DPF3: variants seen among roughly 807,000 people sequenced by gnomAD.
DPF3 encodes double PHD fingers 3, also known as zinc finger protein DPF3.
Under a neutral mutation model 56.8 loss-of-function variants are expected in DPF3, and 18 were observed. That is an observed-to-expected ratio of 0.32 (90% confidence interval 0.22 to 0.47). DPF3 has a LOEUF of 0.47. Among genes scored for constraint, DPF3 ranks in the 20% least tolerant of loss-of-function variants. DPF3 has a pLI of 1.00. For missense variants in DPF3, 403 were observed against 488.8 expected, an observed-to-expected ratio of 0.82 and a Z score of 1.65; for synonymous variants, 188 against 180.2, an observed-to-expected ratio of 1.04 and a Z score of -0.35.
intron 4 of DPF3, among the ~76,000 whole-genome samples, chr14:72,730,098 C>T (rs1373317351): frequency 6.6e-6 from 1 of 151,808 alleles, no homozygotes; most frequent in Non-Finnish European, 1.5e-5. Context: ...TTTTTAAAGA[C>T]TGCCCCTCAA....
At chr14:72,716,037 C>G (rs1888910923) in intron 5 of DPF3, among the ~76,000 whole-genome samples, 1 of 151,804 alleles carries the variant, frequency 6.6e-6, no homozygotes, top group Non-Finnish European at 1.5e-5. Context: ...AAGCCAGGGA[C>G]AGCTTGACAT....
chr14:72,646,772 C>T (rs1599326078), intron 8 of DPF3, among the ~76,000 whole-genome samples: 1 of 152,232 alleles, frequency 6.6e-6, no homozygotes, highest in Non-Finnish European at 1.5e-5. Flanking sequence ...CTCATTTCTC[C>T]AAGCCACAGC....
chr14:72,813,574 G>A (rs1883157093), intron 1 of DPF3, among the ~76,000 whole-genome samples: 1 of 152,082 alleles, frequency 6.6e-6, no homozygotes, highest in South Asian at 2.1e-4. Flanking sequence ...ATTCCTTTTG[G>A]GTCTGTGTGC....
In DPF3 at chr14:72,758,928, A is replaced by T. The variant is rs1890952898; in HGVS notation, c.194-5557T>A. On this transcript the variant is annotated intron_variant, in intron 2 of 10. Transcript: ENST00000556509. ...TAAAATTCACAATGTGAGGCACCCA[A>T]CCCAAAATTACAAGGCATGTAAAGA... 2.0e-5 allele frequency among the ~76,000 whole-genome samples: 3 copies of T among 152,228 alleles called. No individual in the cohort carries two copies. The South Asian group carries it at 6.2e-4, about 31-fold the overall frequency.
At chr14:72,762,550 TA>T (rs1033109450) in intron 2 of DPF3, among the ~76,000 whole-genome samples, 55 of 147,122 alleles carry the variant, frequency 3.7e-4, no homozygotes, top group East Asian at 1.8e-3. Flanking sequence ...ATTTGTGATT[TA>T]AAAAAAAAAA....
chr14:72,774,064 C>T (rs1891657347), intron 1 of DPF3: 3 of 435,470 alleles, frequency 6.9e-6, no homozygotes, highest in South Asian at 3.3e-5. Flanking sequence ...GTGGGTGGAT[C>T]GCCTGAGGTC....
chr14:72,849,888 TGGGTGGATCACCTGAGGTCA>T lies in DPF3; in HGVS notation c.32+44149_32+44168del, dbSNP rs570520995. On this transcript the variant is annotated intron_variant, in intron 1 of 10. Transcript: ENST00000556509. Reference sequence around the variant, plus strand: ...ATCTCAGCAATTTGGGAGGCCAACCTGGGTGGATCACCTGAGGTCAGGAGTTCAAGACCAGCCTGACCAAC... The same window carrying T: ...ATCTCAGCAATTTGGGAGGCCAACCTGGAGTTCAAGACCAGCCTGACCAAC... Among the ~76,000 whole-genome samples, 931 of 152,244 alleles carry T rather than the reference TGGGTGGATCACCTGAGGTCA, an allele frequency of 6.1e-3. 11 individuals carry two copies. The highest frequency in any genetic ancestry group is 0.021 in the African/African-American group (883 of 41,544).
chr14:72,756,865 A>AAAGAAAGG, intron 2 of DPF3, among the ~76,000 whole-genome samples: 1 of 105,182 alleles, frequency 9.5e-6, no homozygotes, highest in South Asian at 3.1e-4. Context: ...AGAAAGAAAG[A>AAAGAAAGG]AAGAAAGGAA....
rs554189299 is a variant in DPF3, at chr14:72,655,447, T to A, written c.871+18793A>T. ...CCAAGTCCTGTGAGCAATTATGAAA[T>A]CCATGCACCAAAGATGATGTTGGAT... On this transcript the variant is annotated intron_variant, in intron 8 of 10. Transcript: ENST00000556509. Among the ~76,000 whole-genome samples the A allele has an allele frequency of 2.0e-5, 3 of 152,296 alleles. No homozygotes were observed. In the South Asian group the frequency reaches 6.2e-4, roughly 32 times the overall value.
intron 9 of DPF3, among the ~76,000 whole-genome samples, chr14:72,628,994 G>T (rs1464782995): frequency 1.3e-5 from 2 of 152,138 alleles, no homozygotes; most frequent in East Asian, 3.8e-4. Flanking sequence ...CAATGTATGG[G>T]CCTTATTTGA....
chr14:72,829,270 C>T (rs1883949207), intron 1 of DPF3, among the ~76,000 whole-genome samples: 1 of 152,196 alleles, frequency 6.6e-6, no homozygotes, highest in Non-Finnish European at 1.5e-5. Context: ...CAGTACAAGA[C>T]AATATGTGGT....
chr14:72,892,882 C>T (rs1252973378), intron 1 of DPF3, among the ~76,000 whole-genome samples: 1 of 152,074 alleles, frequency 6.6e-6, no homozygotes, highest in African/African-American at 2.4e-5. Flanking sequence ...ACTAGTTTTC[C>T]GAGGCCACCC....
intron 8 of DPF3, among the ~76,000 whole-genome samples, chr14:72,653,371 A>G (rs1352147807): frequency 6.6e-6 from 1 of 152,182 alleles, no homozygotes; most frequent in East Asian, 1.9e-4. Flanking sequence ...CTCCTCACAC[A>G]TGGCTGCACC....
chr14:72,865,516 T>A (rs1439344658), intron 1 of DPF3, among the ~76,000 whole-genome samples: 1 of 152,060 alleles, frequency 6.6e-6, no homozygotes, highest in Non-Finnish European at 1.5e-5. Flanking sequence ...AAATCTGGGG[T>A]GAAATCATCG....
intron 5 of DPF3, among the ~76,000 whole-genome samples, chr14:72,719,005 C>T (rs923463704): frequency 6.6e-5 from 10 of 150,542 alleles, no homozygotes; most frequent in South Asian, 2.1e-4. Flanking sequence ...CTCCTGACCT[C>T]GTGATCCACC....
chr14:72,705,913 G>A (rs1379245364), intron 6 of DPF3, among the ~76,000 whole-genome samples: 1 of 152,150 alleles, frequency 6.6e-6, no homozygotes, highest in Non-Finnish European at 1.5e-5. Flanking sequence ...TGTGTGTGGT[G>A]GGGGAGGGAA....
At chr14:72,893,018 AG>A (rs1886833292) in intron 1 of DPF3, among the ~76,000 whole-genome samples, 1 of 116,610 alleles carries the variant, frequency 8.6e-6, no homozygotes, top group Non-Finnish European at 1.8e-5. Context: ...GAAGGAAGGA[AG>A]GAAGGATGAA....
chr14:72,650,474 G>T (rs1885876294), intron 8 of DPF3, among the ~76,000 whole-genome samples: 1 of 152,196 alleles, frequency 6.6e-6, no homozygotes, highest in Non-Finnish European at 1.5e-5. Flanking sequence ...ACTGCCCCGG[G>T]GGCCAGGAGA....
chr14:72,748,850 G>C (rs919594225), intron 3 of DPF3, among the ~76,000 whole-genome samples: 1 of 152,220 alleles, frequency 6.6e-6, no homozygotes, highest in Non-Finnish European at 1.5e-5. Flanking sequence ...ACTGAAGTTT[G>C]GAAACCTCTG....
Sources: allele counts gnomAD v4.1 joint callset (sites outside exome capture counted in the v4.1 genomes callset), GRCh38; gene constraint gnomAD v4.1.1; transcripts MANE v1.5; gene names NCBI Gene and HGNC (gene_info 2026-07-23, HGNC 2026-07-21).